ABCA8: variants seen among roughly 807,000 people sequenced by gnomAD.
The protein encoded by ABCA8 is ATP binding cassette subfamily A member 8.
ABCA8 carries 177 observed loss-of-function variants against 192.3 expected under a neutral mutation model. The observed-to-expected ratio is 0.92, with a 90% CI of 0.81 to 1.04. The LOEUF (loss-of-function observed/expected upper bound fraction) is 1.04, where lower values mean the gene tolerates loss of function less well. Among genes scored for constraint, ABCA8 ranks in the 50% least tolerant of loss-of-function variants. The probability of loss-of-function intolerance (pLI) is 0.00; values close to 1 mark genes in which losing one functional copy is unlikely to be tolerated. For synonymous variants in ABCA8, 642 were observed against 690.2 expected (o/e 0.93, Z 1.09); for missense variants, 1,915 against 1,904.8 (o/e 1.01, Z -0.10).
In ABCA8 at chr17:68,877,505, G is replaced by T; in HGVS notation, c.4199+14C>A. 6.2e-7 allele frequency: 1 copy of T among 1,606,688 alleles called. No individual in the cohort carries two copies. The highest frequency in any genetic ancestry group is 8.5e-7 in the Non-Finnish European group (1 of 1,175,900). On this transcript the variant is annotated intron_variant, in intron 33 of 39. Transcript: ENST00000586539. Reference sequence around the variant, plus strand: ...CTCCCTTGGGTATAGAACAGATGTGGCTCCTCTGTGTACCGTGTGATGGCA... The same window carrying T: ...CTCCCTTGGGTATAGAACAGATGTGTCTCCTCTGTGTACCGTGTGATGGCA...
chr17:68,910,588 C>T lies in ABCA8; in HGVS notation c.2139-2709G>A, dbSNP rs762291553. Reference sequence around the variant, plus strand: ...AATGGACTTGGGGTGCAAAAGACCTCGAGAGACACCAGCTGGAGCAGCCAA... The same window carrying T: ...AATGGACTTGGGGTGCAAAAGACCTTGAGAGACACCAGCTGGAGCAGCCAA... On this transcript the variant is annotated intron_variant, in intron 17 of 39. Transcript: ENST00000586539. Among the ~76,000 whole-genome samples the T allele has an allele frequency of 7.2e-5, 11 of 152,138 alleles. No homozygotes were observed. The South Asian group carries it at 1.9e-3, about 26-fold the overall frequency.
At chr17:68,941,041 C>T in intron 3 of ABCA8, 79 bp from the exon 4 acceptor site, 1 of 1,205,212 alleles carries the variant, frequency 8.3e-7, no homozygotes, top group Non-Finnish European at 1.2e-6. Context: ...ATAAAGTTTG[C>T]CTCTTTTTTA....
At chr17:68,898,512 G>A (rs934869471) in intron 21 of ABCA8, among the ~76,000 whole-genome samples, 4 of 152,122 alleles carry the variant, frequency 2.6e-5, no homozygotes, top group Admixed American at 6.5e-5. Context: ...TTGAATCCAA[G>A]TGAAAAGGCC....
intron 17 of ABCA8, among the ~76,000 whole-genome samples, chr17:68,914,650 A>C (rs1392149696): frequency 6.6e-6 from 1 of 152,150 alleles, no homozygotes; most frequent in African/African-American, 2.4e-5. Context: ...TGAAGAGGAC[A>C]CAAAAAGGAA....
chr17:68,927,784 G>A (rs978138680), intron 10 of ABCA8, 132 bp downstream of exon 10: 17 of 669,282 alleles, frequency 2.5e-5, no homozygotes, highest in African/African-American at 1.9e-4. Flanking sequence ...CAGTAGCGAC[G>A]ACTTTGTTCC....
At chr17:68,930,249 C>A (rs138028825) in intron 7 of ABCA8, among the ~76,000 whole-genome samples, 81 of 152,304 alleles carry the variant, frequency 5.3e-4, no homozygotes, top group Non-Finnish European at 9.4e-4. Flanking sequence ...CCATCACAAG[C>A]TTCCTCAGAG....
chr17:68,933,575 T>C (rs2067971261), intron 5 of ABCA8, among the ~76,000 whole-genome samples: 1 of 152,198 alleles, frequency 6.6e-6, no homozygotes, highest in African/African-American at 2.4e-5. Context: ...TCTTCTCTTT[T>C]CTGATTTGTA....
At chr17:68,893,957 CT>C (rs1436216216) in intron 23 of ABCA8, 3 of 399,810 alleles carry the variant, frequency 7.5e-6, no homozygotes, top group Non-Finnish European at 1.4e-5. Flanking sequence ...TCATTATTCT[CT>C]TTGAAAAATG....
intron 10 of ABCA8, among the ~76,000 whole-genome samples, chr17:68,925,575 C>A (rs950110247): frequency 2.6e-5 from 4 of 152,152 alleles, no homozygotes; most frequent in Admixed American, 2.0e-4. Flanking sequence ...TCGTACTTCA[C>A]TAATATTCTG....
intron 23 of ABCA8, among the ~76,000 whole-genome samples, chr17:68,892,136 G>A (rs2066634806): frequency 6.6e-6 from 1 of 152,160 alleles, no homozygotes; most frequent in Non-Finnish European, 1.5e-5. Context: ...ACTCCTGTTT[G>A]TAAAAATCTT....
chr17:68,913,417 T>C (rs1248046740), intron 17 of ABCA8, among the ~76,000 whole-genome samples: 3 of 150,120 alleles, frequency 2.0e-5, no homozygotes, highest in Non-Finnish European at 4.5e-5. Flanking sequence ...ATAAATAAAA[T>C]TGAAATGAAA....
At chr17:68,921,177 A>G (rs1206380875) in intron 13 of ABCA8, among the ~76,000 whole-genome samples, 1 of 152,038 alleles carries the variant, frequency 6.6e-6, no homozygotes, top group East Asian at 1.9e-4. Flanking sequence ...AGGAAGGGGA[A>G]CATCACACAC....
intron 10 of ABCA8, among the ~76,000 whole-genome samples, chr17:68,926,774 A>G (rs2067712768): frequency 1.3e-5 from 2 of 152,202 alleles, no homozygotes; most frequent in South Asian, 4.1e-4. Context: ...CAACAAAAAC[A>G]AAAACAAAAC....
chr17:68,935,563 T>TATAC (rs1184554783), intron 5 of ABCA8, among the ~76,000 whole-genome samples: 2 of 144,382 alleles, frequency 1.4e-5, no homozygotes, highest in Non-Finnish European at 3.0e-5. Flanking sequence ...TATATATATA[T>TATAC]ATATATTATC....
At chr17:68,905,979 T>A (rs2067054670) in intron 19 of ABCA8, 65 bp downstream of exon 19, 1 of 1,408,952 alleles carries the variant, frequency 7.1e-7, no homozygotes, top group Non-Finnish European at 9.5e-7. Context: ...TGTAATCACA[T>A]CTTTGGAACA....
chr17:68,901,456 T>C lies in ABCA8; in HGVS notation c.2764+1257A>G, dbSNP rs371460414. Among the ~76,000 whole-genome samples, 9 of 151,966 alleles carry C rather than the reference T, an allele frequency of 5.9e-5. No homozygotes were observed. The South Asian group carries it at 1.7e-3, about 28-fold the overall frequency. On this transcript the variant is annotated intron_variant, in intron 21 of 39. Coordinates refer to ENST00000586539, the MANE Select transcript of ABCA8 (RefSeq NM_001288985.2). ...TTGACATACACGATGATGCATGTAATAGAAAAAACAAAAAATAAGTGTTGG... is the reference window on the plus strand; with the variant it reads ...TTGACATACACGATGATGCATGTAACAGAAAAAACAAAAAATAAGTGTTGG...
intron 32 of ABCA8, 127 bp from the exon 33 acceptor site, chr17:68,877,806 C>T: frequency 9.9e-7 from 1 of 1,007,126 alleles, no homozygotes; most frequent in South Asian, 2.3e-5. Context: ...GTTTAATAAT[C>T]TGTAATCATT....
intron 23 of ABCA8, 33 bp from the exon 24 acceptor site, chr17:68,891,629 G>A (rs1293197089): frequency 6.7e-7 from 1 of 1,488,084 alleles, no homozygotes; most frequent in Non-Finnish European, 9.2e-7. Flanking sequence ...TGAACTGAAT[G>A]AAGAAATTTA....
At chr17:68,932,598 G>GT in intron 6 of ABCA8, 84 bp from the exon 7 acceptor site, 1 of 1,009,436 alleles carries the variant, frequency 9.9e-7, no homozygotes, top group Non-Finnish European at 1.5e-6. Flanking sequence ...TCTTGTGGAT[G>GT]TATGATTGGC....
Sources: gnomAD v4.1 joint callset for allele counts (sites outside exome capture counted in the v4.1 genomes callset) on GRCh38, gnomAD v4.1.1 for gene constraint, MANE v1.5 for transcripts, NCBI Gene and HGNC (gene_info 2026-07-23, HGNC 2026-07-21) for gene names.